Variants in FANCB observed in about 807,000 individuals in gnomAD.
FANCB encodes Fanconi anemia group B protein.
In FANCB, 5 loss-of-function variants were observed where a neutral mutation model predicts 38.9. The observed-to-expected ratio is 0.13, with a 90% CI of 0.07 to 0.27. The LOEUF (loss-of-function observed/expected upper bound fraction) is 0.27. FANCB is among the 10% of genes least tolerant of loss of function. The pLI is 1.00. For missense variants in FANCB, 573 were observed against 602.7 expected, an observed-to-expected ratio of 0.95 and a Z score of 0.52; for synonymous variants, 236 against 215.4, an observed-to-expected ratio of 1.10 and a Z score of -0.84.
the FANCB span, among the ~76,000 whole-genome samples, chrX:14,699,596 A>G: frequency 8.9e-6 from 1 of 111,861 alleles, no homozygotes. Context: ...TCTCTTCTAG[A>G]TATTTTGAAA....
At chrX:14,830,424 A>C in the FANCB span, among the ~76,000 whole-genome samples, 7 of 111,755 alleles carry the variant, frequency 6.3e-5, no homozygotes, top group Non-Finnish European at 1.1e-4. Context: ...AGCACAAAAA[A>C]ACAAGGTATG....
At chrX:14,797,691 A>AGAG in the FANCB span, among the ~76,000 whole-genome samples, 2,667 of 103,200 alleles carry the variant, frequency 0.026, 115 homozygotes, top group African/African-American at 0.083. Context: ...AAAAAAAAAA[A>AGAG]AGAGAGAGAG....
intron 6 of FANCB, among the ~76,000 whole-genome samples, chrX:14,851,202 GATA>G (rs939238310): frequency 8.9e-6 from 1 of 111,917 alleles, no homozygotes; most frequent in African/African-American, 3.3e-5. Context: ...TAATAGTAAC[GATA>G]ATAATAATAT....
At chrX:14,716,895 A>G in the FANCB span, among the ~76,000 whole-genome samples, 14 of 111,687 alleles carry the variant, frequency 1.3e-4, no homozygotes, top group African/African-American at 4.2e-4. Context: ...ATCGCCTTGT[A>G]TGTCTCAGCA....
At chrX:14,801,575 T>C in the FANCB span, among the ~76,000 whole-genome samples, 1 of 112,286 alleles carries the variant, frequency 8.9e-6, no homozygotes, top group Non-Finnish European at 1.9e-5. Flanking sequence ...AATATCAGAA[T>C]GTGTGTCATG....
chrX:14,776,087 T>C, the FANCB span, among the ~76,000 whole-genome samples: 1 of 87,832 alleles, frequency 1.1e-5, no homozygotes, highest in East Asian at 3.6e-4. Flanking sequence ...GCACGTCTGA[T>C]ATGCCCTGAT....
At chrX:14,797,753 G>A in the FANCB span, among the ~76,000 whole-genome samples, 1 of 109,973 alleles carries the variant, frequency 9.1e-6, no homozygotes, top group Non-Finnish European at 1.9e-5. Flanking sequence ...TCAAAGAGGG[G>A]GGAGTTAAGT....
chrX:14,810,495 A>G, the FANCB span, among the ~76,000 whole-genome samples: 1 of 112,521 alleles, frequency 8.9e-6, no homozygotes, highest in Admixed American at 9.4e-5. Flanking sequence ...CTGAAAGCCA[A>G]GGCTCGAGAA....
At chrX:14,792,874 T>G in the FANCB span, among the ~76,000 whole-genome samples, 349 of 112,009 alleles carry the variant, frequency 3.1e-3, 1 homozygote, top group African/African-American at 0.01. Context: ...TTATGATATC[T>G]GACTTATTTC....
At chrX:14,789,616 C>T in the FANCB span, among the ~76,000 whole-genome samples, 2 of 112,025 alleles carry the variant, frequency 1.8e-5, no homozygotes, top group Admixed American at 1.9e-4. Flanking sequence ...TATGATGAGT[C>T]GTCATGCTCC....
At chrX:14,786,150 G>A in the FANCB span, among the ~76,000 whole-genome samples, 1 of 111,148 alleles carries the variant, frequency 9.0e-6, no homozygotes, top group Non-Finnish European at 1.9e-5. Flanking sequence ...ACTAGTCAAA[G>A]GCTGTGGCTT....
intron 7 of FANCB, among the ~76,000 whole-genome samples, chrX:14,846,731 G>A (rs1408899467): frequency 5.5e-5 from 6 of 109,200 alleles, no homozygotes; most frequent in African/African-American, 2.0e-4. Context: ...AGGAGACAGA[G>A]AAACATGTTA....
At chrX:14,798,704 A>G in the FANCB span, among the ~76,000 whole-genome samples, 7 of 112,345 alleles carry the variant, frequency 6.2e-5, no homozygotes, top group South Asian at 1.5e-3. Flanking sequence ...AATTCATGAC[A>G]GAACGTGATC....
At chrX:14,790,723 C>CTTT in the FANCB span, among the ~76,000 whole-genome samples, 2 of 111,594 alleles carry the variant, frequency 1.8e-5, no homozygotes, top group African/African-American at 6.5e-5. Context: ...CAAAGGCAGA[C>CTTT]TGTTTAGAGT....
the FANCB span, among the ~76,000 whole-genome samples, chrX:14,722,520 C>T: frequency 9.0e-6 from 1 of 111,366 alleles, no homozygotes; most frequent in African/African-American, 3.3e-5. Flanking sequence ...CACTTAGACT[C>T]AAGTGGAGGG....
Position 14,859,202 on chromosome X carries a change from G to T in FANCB, c.1084C>A (p.Leu362Ile). 8.4e-7 allele frequency: 1 copy of T among 1,185,332 alleles called. No homozygotes were observed. The highest frequency in any genetic ancestry group is 1.1e-6 in the Non-Finnish European group (1 of 873,388). Residue 362 changes from leucine to isoleucine, a missense_variant, in exon 4 of 10, where the codon CTT becomes ATT. Physicochemically the swap from Leu to Ile is conservative, Grantham distance 5. Coordinates refer to ENST00000650831, the MANE Select transcript of FANCB (RefSeq NM_001018113.3). ...CTTACCGAATAGTTTATTTTTCCAA[G>T]ATCCGTTATTTTAAATGAAGTCAGG... ...DCLTSFKITD[L>I]GKINYSSEPS...
the FANCB span, among the ~76,000 whole-genome samples, chrX:14,768,467 T>C: frequency 1.8e-5 from 2 of 111,376 alleles, no homozygotes; most frequent in Non-Finnish European, 3.8e-5. Context: ...TGCTTGCCTG[T>C]TGTTGGTGTA....
At chrX:14,796,486 ATATAT>A in the FANCB span, among the ~76,000 whole-genome samples, 3 of 100,501 alleles carry the variant, frequency 3.0e-5, no homozygotes, top group African/African-American at 7.2e-5. Flanking sequence ...TATATATAAC[ATATAT>A]TATATATATA....
the FANCB span, among the ~76,000 whole-genome samples, chrX:14,779,926 A>T: frequency 9.0e-6 from 1 of 111,305 alleles, no homozygotes; most frequent in Non-Finnish European, 1.9e-5. Context: ...GATACTAAAC[A>T]TAATTTATTG....
Sources: gnomAD v4.1 joint callset for allele counts (sites outside exome capture counted in the v4.1 genomes callset) on GRCh38, gnomAD v4.1.1 for gene constraint, MANE v1.5 for transcripts, NCBI Gene and HGNC (gene_info 2026-07-23, HGNC 2026-07-21) for gene names.